Variants in LOC128092253 observed in about 807,000 individuals in gnomAD.
chr6:133,961,714 T>C, the LOC128092253 span, among the ~76,000 whole-genome samples: 20,509 of 152,116 alleles, frequency 0.13, 1,856 homozygotes, highest in African/African-American at 0.27. Flanking sequence ...TCCATGCGCC[T>C]TGGCCTCCCA....
chr6:133,965,178 T>A, the LOC128092253 span, among the ~76,000 whole-genome samples: 1 of 152,370 alleles, frequency 6.6e-6, no homozygotes, highest in South Asian at 2.1e-4. Flanking sequence ...ATTAATTTAA[T>A]GGCTAAATTA....
chr6:133,973,954 A>G, the LOC128092253 span, among the ~76,000 whole-genome samples: 1 of 150,932 alleles, frequency 6.6e-6, no homozygotes, highest in Non-Finnish European at 1.5e-5. Context: ...TATTAAACCT[A>G]ACATATATAT....
chr6:133,971,424 G>T, the LOC128092253 span, among the ~76,000 whole-genome samples: 2 of 152,158 alleles, frequency 1.3e-5, no homozygotes, highest in African/African-American at 4.8e-5. Flanking sequence ...CTTTGGATAT[G>T]TATTCAGCAG....
At chr6:133,957,502 T>G in the LOC128092253 span, among the ~76,000 whole-genome samples, 3 of 152,246 alleles carry the variant, frequency 2.0e-5, no homozygotes, top group Non-Finnish European at 2.9e-5. Flanking sequence ...AAAATTTGTT[T>G]CCATTAATAA....
chr6:133,955,312 C>A, the LOC128092253 span, among the ~76,000 whole-genome samples: 2 of 150,914 alleles, frequency 1.3e-5, no homozygotes, highest in African/African-American at 4.9e-5. Context: ...AATGCAGTGT[C>A]TGCTTTCCCT....
At chr6:133,959,275 A>G in the LOC128092253 span, among the ~76,000 whole-genome samples, 1 of 152,050 alleles carries the variant, frequency 6.6e-6, no homozygotes, top group Non-Finnish European at 1.5e-5. Flanking sequence ...TCTGACCTCA[A>G]GTGATCTGCC....
At chr6:133,974,327 T>C in the LOC128092253 span, among the ~76,000 whole-genome samples, 8 of 152,326 alleles carry the variant, frequency 5.3e-5, no homozygotes, top group African/African-American at 1.9e-4. Context: ...TATTATACTT[T>C]GGTCAGTTCA....
At chr6:133,973,866 CTTAATA>C in the LOC128092253 span, among the ~76,000 whole-genome samples, 4 of 152,008 alleles carry the variant, frequency 2.6e-5, no homozygotes, top group Admixed American at 2.0e-4. Flanking sequence ...CAAGCTATGT[CTTAATA>C]TTAGGCCTTG....
At chr6:133,968,154 A>G in the LOC128092253 span, among the ~76,000 whole-genome samples, 1 of 151,854 alleles carries the variant, frequency 6.6e-6, no homozygotes, top group Admixed American at 6.6e-5. Context: ...ACGCCCAGCT[A>G]ATTTTTGTAT....
chr6:133,956,592 G>T, the LOC128092253 span, among the ~76,000 whole-genome samples: 1 of 152,308 alleles, frequency 6.6e-6, no homozygotes, highest in Non-Finnish European at 1.5e-5. Context: ...CCTGCCCTGT[G>T]TGTGTATTTT....
At chr6:133,976,973 A>C in the LOC128092253 span, among the ~76,000 whole-genome samples, 1 of 149,444 alleles carries the variant, frequency 6.7e-6, no homozygotes, top group Non-Finnish European at 1.5e-5. Flanking sequence ...GTCTCAAAAA[A>C]AAAAAAAAAG....
At chr6:133,958,333 G>A in the LOC128092253 span, among the ~76,000 whole-genome samples, 1 of 152,182 alleles carries the variant, frequency 6.6e-6, no homozygotes, top group Admixed American at 6.5e-5. Flanking sequence ...AAGCTTGTTA[G>A]TATCAGTGTA....
chr6:133,955,267 G>A, the LOC128092253 span, among the ~76,000 whole-genome samples: 2 of 149,358 alleles, frequency 1.3e-5, no homozygotes, highest in Admixed American at 1.4e-4. Flanking sequence ...CATTGTTTGA[G>A]TGAGGGTCAA....
At chr6:133,959,343 G>C in the LOC128092253 span, among the ~76,000 whole-genome samples, 2 of 151,952 alleles carry the variant, frequency 1.3e-5, no homozygotes, top group Admixed American at 1.3e-4. Flanking sequence ...CACCATGCCT[G>C]GCCTGTGTTA....
the LOC128092253 span, chr6:133,953,316 G>C: frequency 6.5e-6 from 1 of 152,698 alleles, no homozygotes; most frequent in African/African-American, 2.4e-5. Context: ...GGAGACTGGG[G>C]AGCGCGCCCG....
At chr6:133,970,312 G>A in the LOC128092253 span, among the ~76,000 whole-genome samples, 2 of 152,042 alleles carry the variant, frequency 1.3e-5, no homozygotes, top group Non-Finnish European at 2.9e-5. Flanking sequence ...AATATCTTTA[G>A]TATCTTTAAA....
the LOC128092253 span, among the ~76,000 whole-genome samples, chr6:133,970,162 C>T: frequency 6.6e-6 from 1 of 152,194 alleles, no homozygotes; most frequent in East Asian, 1.9e-4. Context: ...CCTCAATTGA[C>T]TCTGTCAATT....
At chr6:133,973,439 A>G in the LOC128092253 span, among the ~76,000 whole-genome samples, 4 of 152,114 alleles carry the variant, frequency 2.6e-5, no homozygotes, top group Non-Finnish European at 5.9e-5. Flanking sequence ...TTGGCTTTCA[A>G]TTAGATTTTA....
chr6:133,969,831 TTGA>T, the LOC128092253 span, among the ~76,000 whole-genome samples: 2 of 152,232 alleles, frequency 1.3e-5, no homozygotes, highest in Non-Finnish European at 2.9e-5. Flanking sequence ...GAGTTCAGAA[TTGA>T]TGATAATTTA....
Sources: allele counts gnomAD v4.1 joint callset (sites outside exome capture counted in the v4.1 genomes callset), GRCh38; gene constraint gnomAD v4.1.1; transcripts MANE v1.5.